Variants in NKX2-2 observed in about 807,000 individuals in gnomAD.
NKX2-2 encodes the protein homeobox protein Nkx-2.2.
A neutral mutation model predicts 24.6 loss-of-function variants in NKX2-2; 8 were observed. The ratio of observed to expected loss-of-function variants is 0.32; its 90% CI spans 0.19 to 0.59. NKX2-2 has a LOEUF of 0.59. NKX2-2 is among the 20% of genes least tolerant of loss of function. NKX2-2 has a pLI of 0.86. For missense variants in NKX2-2, 381 were observed against 373.9 expected, an observed-to-expected ratio of 1.02 and a Z score of -0.16; for synonymous variants, 217 against 173.3, an observed-to-expected ratio of 1.25 and a Z score of -1.98.
chr20:21,515,853 G>T (rs1295493843), upstream of NKX2-2, among the ~76,000 whole-genome samples: 1 of 152,164 alleles, frequency 6.6e-6, no homozygotes, highest in Non-Finnish European at 1.5e-5. Context: ...CTGGGTGAGG[G>T]CACCTCTCCC....
At chr20:21,512,869 C>A (rs1980493991) in intron 1 of NKX2-2, among the ~76,000 whole-genome samples, 2 of 152,324 alleles carry the variant, frequency 1.3e-5, no homozygotes, top group East Asian at 1.9e-4. Context: ...CAGCATTGAT[C>A]GGCTCGGCCA....
At position 21,511,321 on chromosome 20, in the gene NKX2-2, C is replaced by G. The variant is rs1009747540; in HGVS notation, c.*602G>C. On this transcript the variant is annotated 3_prime_UTR_variant, in exon 2 of 2. Transcript: ENST00000377142. ...AAAGGAGTTGGACCCAGACGGGAAA[C>G]AGGCCGGTCCTGAAGGTCATTTTGG... 4 of 152,580 alleles carry G rather than the reference C, an allele frequency of 2.6e-5. No individual in the cohort carries two copies. Among genetic ancestry groups the G allele is most frequent in the African/African-American group, 9.7e-5 (4 of 41,438 alleles). The allele number at this position is 152,580 out of a possible 1,614,324, so 9.5% of individuals were successfully genotyped here.
chr20:21,522,145 C>G, the NKX2-2 span, among the ~76,000 whole-genome samples: 5 of 152,360 alleles, frequency 3.3e-5, no homozygotes, highest in East Asian at 5.8e-4. Flanking sequence ...TGCCCGTCCT[C>G]GAGTGCTCGC....
Position 21,512,065 on chromosome 20 carries a change from G to A in NKX2-2, c.680C>T (p.Thr227Ile). The A allele has an allele frequency of 6.2e-7, 1 of 1,613,856 alleles. No homozygotes were observed. The highest frequency in any genetic ancestry group is 8.5e-7 in the Non-Finnish European group (1 of 1,179,956). The change falls in exon 2 of 2, where the codon ACC (threonine) becomes ATC (isoleucine). Residue 227 changes from threonine to isoleucine, a missense_variant. Around this residue, in one of 3 missense-constraint regions of NKX2-2, gnomAD observed 139 missense variants for 121.7 expected, o/e 1.14. Coordinates refer to ENST00000377142, the MANE Select transcript of NKX2-2 (RefSeq NM_002509.4). The stretch of plus-strand genomic sequence containing the variant: ...AGAAAAGGGAATGCCCGCCTGGAAG[G>A]TGGCGGCTGCCAGGTCCTGGGCTTT... ...ALKAQDLAAA[T>I]FQAGIPFSAY...
the NKX2-2 span, among the ~76,000 whole-genome samples, chr20:21,521,899 G>T: frequency 0.13 from 19,603 of 152,118 alleles, 1,307 homozygotes; most frequent in East Asian, 0.2. Context: ...GACCCCCCTC[G>T]CTCTGCGCCC....
rs1980510672 is a variant in NKX2-2 at position 21,513,351 on chromosome 20, G to A, written c.259+60C>T. The A allele has an allele frequency of 2.0e-6, 3 of 1,474,442 alleles. No individual in the cohort carries two copies. Among genetic ancestry groups the A allele is most frequent in the Non-Finnish European group, 1.8e-6 (2 of 1,111,160 alleles). The allele number at this position is 1,474,442 out of a possible 1,614,324, so 91.3% of individuals were successfully genotyped here. A position where few individuals can be genotyped will look rare whatever the true frequency, so the allele number is the denominator to read the frequency against. ...CCCTTTCACTCCCAGCGTCCAACCC[G>A]GGCTGCGGCTGCAGGAATGGAGGGG... On this transcript the variant is annotated intron_variant, in intron 1 of 1. Coordinates refer to ENST00000377142, the MANE Select transcript of NKX2-2 (RefSeq NM_002509.4). This position sits in a 1 kb window ranked among gnomAD's most constrained non-coding sequence, Gnocchi z 4.6.
the NKX2-2 span, among the ~76,000 whole-genome samples, chr20:21,519,877 GC>G: frequency 6.6e-6 from 1 of 152,166 alleles, no homozygotes; most frequent in African/African-American, 2.4e-5. Flanking sequence ...CTTTGGAGAG[GC>G]CAGACCGTGC....
chr20:21,516,373 A>G (rs1290745711), upstream of NKX2-2, among the ~76,000 whole-genome samples: 2 of 142,692 alleles, frequency 1.4e-5, no homozygotes, highest in Non-Finnish European at 3.0e-5. Context: ...TCTTCCTCGA[A>G]CCCATTACTT....
chr20:21,514,339 C>A (rs1980558248), upstream of NKX2-2, among the ~76,000 whole-genome samples: 1 of 151,354 alleles, frequency 6.6e-6, no homozygotes, highest in Non-Finnish European at 1.5e-5. Flanking sequence ...TCCCAGCCAA[C>A]GGCCCTCTAG....
In NKX2-2 at chr20:21,511,761, G is replaced by A. The variant is rs904218031; in HGVS notation, c.*162C>T. Reference sequence around the variant, plus strand: ...AATCTGCCACTCCAAGGAGACGCAGGCAACCTCCCGGCGCCTCCCTAGTGG... The same window carrying A: ...AATCTGCCACTCCAAGGAGACGCAGACAACCTCCCGGCGCCTCCCTAGTGG... On this transcript the variant is annotated 3_prime_UTR_variant, in exon 2 of 2. Transcript: ENST00000377142. The A allele has an allele frequency of 3.2e-5, 17 of 535,170 alleles. No individual in the cohort carries two copies. Among genetic ancestry groups the A allele is most frequent in the African/African-American group, 1.9e-4 (10 of 51,346 alleles). The allele number at this position is 535,170 out of a possible 1,614,324, so 33.2% of individuals were successfully genotyped here. A position where few individuals can be genotyped will look rare whatever the true frequency, so the allele number is the denominator to read the frequency against.
the NKX2-2 span, among the ~76,000 whole-genome samples, chr20:21,520,005 T>G: frequency 2.7e-4 from 39 of 144,076 alleles, no homozygotes; most frequent in African/African-American, 9.6e-4. Context: ...CTAAGGTGAG[T>G]TTTTTTTTTT....
Position 21,512,480 on chromosome 20 carries a change from C to A in NKX2-2, c.265G>T (p.Gly89Cys), listed in dbSNP as rs1212106777. 1.9e-6 allele frequency: 3 copies of A among 1,566,930 alleles called. No individual in the cohort carries two copies. The highest frequency in any genetic ancestry group is 2.3e-5 in the South Asian group (2 of 85,648). ...STEGLQYSLH[G>C]LAAGAPPQDS... is the part of the protein sequence containing the mutation. ...TGAGGGGGCGCCCCGGCAGCCAGAC[C>A]GTGCACTGGGGGGAGGGGGAGAGAG... Residue 89 changes from glycine (G) to cysteine (C), a missense_variant, in exon 2 of 2, where the codon GGT (glycine) becomes TGT (cysteine). Physicochemically the swap from Gly to Cys is radical, Grantham distance 159. Transcript: ENST00000377142.
the NKX2-2 span, among the ~76,000 whole-genome samples, chr20:21,521,967 G>C: frequency 6.6e-6 from 1 of 152,220 alleles, no homozygotes; most frequent in African/African-American, 2.4e-5. Context: ...GGGGACCGCC[G>C]CGGGTGCCGC....
At chr20:21,522,123 A>G in the NKX2-2 span, among the ~76,000 whole-genome samples, 3 of 152,222 alleles carry the variant, frequency 2.0e-5, no homozygotes, top group African/African-American at 4.8e-5. Flanking sequence ...TGCAGGCGCG[A>G]CAGAGGGGCC....
At chr20:21,514,967 C>G (rs927683716), upstream of NKX2-2, among the ~76,000 whole-genome samples, 9 of 151,822 alleles carry the variant, frequency 5.9e-5, no homozygotes, top group African/African-American at 1.7e-4. Flanking sequence ...CGCCTCCCCC[C>G]ACCTCCCACC....
At chr20:21,518,323 C>T (rs1980690917), upstream of NKX2-2, among the ~76,000 whole-genome samples, 1 of 152,204 alleles carries the variant, frequency 6.6e-6, no homozygotes, top group Admixed American at 6.5e-5. Flanking sequence ...ATTCCGTACA[C>T]ATCTCTAGCT....
In NKX2-2 at chr20:21,513,575, G is replaced by A. The variant is rs115780948; in HGVS notation, c.95C>T (p.Pro32Leu). 5.9e-4 allele frequency: 948 copies of A among 1,613,492 alleles called. 6 individuals are homozygous for A. In the African/African-American group the frequency reaches 0.012, roughly 20 times the overall value. Residue 32 changes from proline to leucine, a missense_variant, in exon 1 of 2, where the codon CCG (proline) becomes CTG (leucine). By Grantham distance (98) the Pro-to-Leu change is moderately conservative. Around this residue, in one of 3 missense-constraint regions of NKX2-2, gnomAD observed 206 missense variants for 173.1 expected, o/e 1.19. Coordinates refer to ENST00000377142, the MANE Select transcript of NKX2-2 (RefSeq NM_002509.4). This position sits in a 1 kb window ranked among gnomAD's most constrained non-coding sequence, Gnocchi z 4.6. ...CTCGGGCCCCTCGTTCTCTTCCTCC[G>A]GACCTTCGGCCACAGAGCCCTCCTC... Reference protein sequence around the residue: ...NDEEGSVAEGPEEENEGPEPA... With the variant: ...NDEEGSVAEGLEEENEGPEPA...
At position 21,513,548 on chromosome 20, in the gene NKX2-2, G is replaced by A; in HGVS notation, c.122C>T (p.Pro41Leu). ...CCCCAGCGGCCCGGCCCTCTTGGCT[G>A]GCTCGGGCCCCTCGTTCTCTTCCTC... is the stretch of plus-strand genomic sequence containing the variant. Reference protein sequence around the residue: ...GPEEENEGPEPAKRAGPLGQG... With the variant: ...GPEEENEGPELAKRAGPLGQG... Residue 41 changes from proline to leucine, a missense_variant, in exon 1 of 2, where the codon CCA (proline) becomes CTA (leucine). Transcript: ENST00000377142. This position sits in a 1 kb window ranked among gnomAD's most constrained non-coding sequence, Gnocchi z 4.6. The A allele has an allele frequency of 6.2e-7, 1 of 1,613,478 alleles. No individual in the cohort carries two copies. The highest frequency in any genetic ancestry group is 8.5e-7 in the Non-Finnish European group (1 of 1,179,776).
the NKX2-2 span, among the ~76,000 whole-genome samples, chr20:21,520,901 AAC>A: frequency 3.3e-3 from 508 of 152,334 alleles, 2 homozygotes; most frequent in Non-Finnish European, 5.9e-3. Context: ...TTCTCCAGGA[AAC>A]ACGCGCTGAA....
Sources: allele counts gnomAD v4.1 joint callset (sites outside exome capture counted in the v4.1 genomes callset), GRCh38; gene constraint gnomAD v4.1.1; regional missense constraint gnomAD v4.1.1; non-coding constraint Gnocchi (gnomAD v3.1); transcripts MANE v1.5; gene names NCBI Gene and HGNC (gene_info 2026-07-23, HGNC 2026-07-21).